Variants in GRIA4 observed in about 807,000 individuals in gnomAD.
GRIA4 encodes glutamate ionotropic receptor AMPA type subunit 4.
In GRIA4, 34 loss-of-function variants were observed where a neutral mutation model predicts 104.0. The ratio of observed to expected loss-of-function variants is 0.33; its 90% CI spans 0.25 to 0.44. GRIA4 has a LOEUF of 0.44. Ranked by LOEUF, GRIA4 falls within the 20% of genes least tolerant of loss-of-function variation. GRIA4 has a pLI of 1.00. For synonymous variants in GRIA4, 386 were observed against 381.9 expected (o/e 1.01, Z -0.13); for missense variants, 750 against 1,096.5 (o/e 0.68, Z 4.46).
At chr11:105,714,889 G>A (rs1462883282) in intron 3 of GRIA4, among the ~76,000 whole-genome samples, 1 of 151,960 alleles carries the variant, frequency 6.6e-6, no homozygotes, top group Non-Finnish European at 1.5e-5. Context: ...AAAGGGTCTA[G>A]GTTAGGTTCA....
intron 3 of GRIA4, among the ~76,000 whole-genome samples, chr11:105,752,591 A>G (rs1255590071): frequency 6.6e-6 from 1 of 152,214 alleles, no homozygotes; most frequent in East Asian, 1.9e-4. Context: ...TCAAGCGTAT[A>G]TAATTGTATG....
chr11:105,762,106 C>A (rs913176019), intron 4 of GRIA4, among the ~76,000 whole-genome samples: 1 of 152,096 alleles, frequency 6.6e-6, no homozygotes, highest in East Asian at 1.9e-4. Context: ...TCACTGCAAC[C>A]TCTGTCTCCC....
In GRIA4 at chr11:105,887,527, T is replaced by C; in HGVS notation, c.681T>C (p.Ser227=). 1 of 1,397,900 alleles carries C rather than the reference T, an allele frequency of 7.2e-7. No homozygotes were observed. Among genetic ancestry groups the C allele is most frequent in the Non-Finnish European group, 1.0e-6 (1 of 995,646 alleles). The allele number at this position is 1,397,900 out of a possible 1,614,324, so 86.6% of individuals were successfully genotyped here. A position where few individuals can be genotyped will look rare whatever the true frequency, so the allele number is the denominator to read the frequency against. The change falls in exon 6 of 17, where the codon AGT becomes AGC. Residue 227 remains serine (S), a synonymous_variant. Transcript: ENST00000282499. Reference sequence around the variant, plus strand: ...TGCTTATATCTTCACAGATTGTAAGTGTTGGAAAGCATGTTAAAGGCTACC... The same window carrying C: ...TGCTTATATCTTCACAGATTGTAAGCGTTGGAAAGCATGTTAAAGGCTACC... ...RLQNILEQIV[S]VGKHVKGYHY... is the part of the protein sequence containing the mutation.
At chr11:105,784,158 G>C (rs1397751106) in intron 4 of GRIA4, among the ~76,000 whole-genome samples, 1 of 152,140 alleles carries the variant, frequency 6.6e-6, no homozygotes, top group East Asian at 1.9e-4. Context: ...GCTTAGAACA[G>C]TACCTGGGTC....
At chr11:105,912,402 C>A in intron 10 of GRIA4, 1 of 957,768 alleles carries the variant, frequency 1.0e-6, no homozygotes, top group Non-Finnish European at 1.2e-6. Context: ...ACTAAAGGGA[C>A]TGGACAAATA....
intron 14 of GRIA4, among the ~76,000 whole-genome samples, chr11:105,951,258 C>T (rs1047638098): frequency 1.3e-5 from 2 of 152,178 alleles, no homozygotes; most frequent in Non-Finnish European, 2.9e-5. Context: ...CTGGTCCAGG[C>T]AGGGCATCTG....
intron 3 of GRIA4, among the ~76,000 whole-genome samples, chr11:105,652,176 AT>A (rs889698798): frequency 1.2e-4 from 19 of 152,256 alleles, no homozygotes; most frequent in African/African-American, 4.1e-4. Context: ...GGACTCAAGG[AT>A]TTTTTTAAAT....
chr11:105,774,135 A>G (rs1258907341), intron 4 of GRIA4, among the ~76,000 whole-genome samples: 1 of 151,466 alleles, frequency 6.6e-6, no homozygotes, highest in Non-Finnish European at 1.5e-5. Flanking sequence ...TAGTATAGTG[A>G]TAAATAAATA....
intron 4 of GRIA4, among the ~76,000 whole-genome samples, chr11:105,786,994 C>G (rs886986044): frequency 1.3e-5 from 2 of 152,122 alleles, no homozygotes; most frequent in Non-Finnish European, 2.9e-5. Context: ...CCAGCTTCTC[C>G]TCAGAAAGAG....
intron 4 of GRIA4, among the ~76,000 whole-genome samples, chr11:105,845,663 C>G (rs1176155102): frequency 6.6e-6 from 1 of 152,136 alleles, no homozygotes; most frequent in African/African-American, 2.4e-5. Flanking sequence ...GCGGGTAGAT[C>G]GCGAGGTCAG....
intron 5 of GRIA4, among the ~76,000 whole-genome samples, chr11:105,871,562 G>A (rs904819780): frequency 6.6e-6 from 1 of 151,130 alleles, no homozygotes; most frequent in Non-Finnish European, 1.5e-5. Context: ...ATGTCTAACT[G>A]ATTTATAAAG....
chr11:105,789,792 C>T (rs971582145), intron 4 of GRIA4, among the ~76,000 whole-genome samples: 2 of 152,158 alleles, frequency 1.3e-5, no homozygotes, highest in Non-Finnish European at 2.9e-5. Flanking sequence ...TAAGCACATT[C>T]TCTAAGTGGA....
intron 3 of GRIA4, among the ~76,000 whole-genome samples, chr11:105,702,118 G>C (rs1357780486): frequency 1.3e-5 from 2 of 152,082 alleles, no homozygotes; most frequent in African/African-American, 4.8e-5. Context: ...AATGTGTTTA[G>C]AGAAAGGATC....
At chr11:105,620,917 T>C (rs1950727666) in intron 3 of GRIA4, among the ~76,000 whole-genome samples, 1 of 151,224 alleles carries the variant, frequency 6.6e-6, no homozygotes, top group South Asian at 2.1e-4. Context: ...TTGGGGGGGG[T>C]CATATTTTTG....
chr11:105,810,770 G>A (rs1326658516), intron 4 of GRIA4, among the ~76,000 whole-genome samples: 1 of 151,930 alleles, frequency 6.6e-6, no homozygotes, highest in Non-Finnish European at 1.5e-5. Context: ...CCCCACCCTA[G>A]CACCTTTCAG....
intron 5 of GRIA4, among the ~76,000 whole-genome samples, chr11:105,877,768 A>G (rs1279463255): frequency 6.6e-6 from 1 of 152,100 alleles, no homozygotes; most frequent in East Asian, 1.9e-4. Flanking sequence ...CAGGTCATTT[A>G]TGTTCTTCTC....
chr11:105,868,721 T>G (rs756200454), intron 5 of GRIA4, among the ~76,000 whole-genome samples: 1 of 152,104 alleles, frequency 6.6e-6, no homozygotes, highest in Non-Finnish European at 1.5e-5. Flanking sequence ...ATGGGTGAGA[T>G]GCAACAGGAA....
At chr11:105,791,747 C>A (rs993754826) in intron 4 of GRIA4, among the ~76,000 whole-genome samples, 3 of 152,102 alleles carry the variant, frequency 2.0e-5, no homozygotes, top group African/African-American at 7.2e-5. Context: ...AAATAAGGCA[C>A]CTGAGTGTCC....
intron 4 of GRIA4, among the ~76,000 whole-genome samples, chr11:105,855,072 A>C (rs1034779561): frequency 6.6e-6 from 1 of 152,166 alleles, no homozygotes; most frequent in East Asian, 1.9e-4. Context: ...TTAATAATTT[A>C]TTAAGCATTC....
Sources: gnomAD v4.1 joint callset for allele counts (sites outside exome capture counted in the v4.1 genomes callset) on GRCh38, gnomAD v4.1.1 for gene constraint, MANE v1.5 for transcripts, NCBI Gene and HGNC (gene_info 2026-07-23, HGNC 2026-07-21) for gene names.